Variants in PADI1 observed in about 807,000 individuals in gnomAD.
The protein encoded by PADI1 is protein-arginine deiminase type-1.
Under a neutral mutation model 74.8 loss-of-function variants are expected in PADI1, and 65 were observed. The ratio of observed to expected loss-of-function variants is 0.87; its 90% CI spans 0.71 to 1.07. The LOEUF (loss-of-function observed/expected upper bound fraction) is 1.07. PADI1 is among the 50% of genes least tolerant of loss of function. The pLI, the probability that PADI1 is intolerant of heterozygous loss-of-function variation, is 0.00. For synonymous variants in PADI1, 371 were observed against 336.2 expected, an observed-to-expected ratio of 1.10 and a Z score of -1.13; for missense variants, 943 against 854.0, an observed-to-expected ratio of 1.10 and a Z score of -1.30.
chr1:17,240,407 C>A (rs1431756448), intron 14 of PADI1: 6 of 439,058 alleles, frequency 1.4e-5, no homozygotes, highest in East Asian at 1.2e-4. Flanking sequence ...CCAGAAACTG[C>A]CTGGGTTCGA....
chr1:17,228,811 T>C lies in PADI1; in HGVS notation c.825+14T>C, dbSNP rs1008588192. 1 of 1,591,560 alleles carries C rather than the reference T, an allele frequency of 6.3e-7. No homozygotes were observed. The highest frequency in any genetic ancestry group is 8.5e-7 in the Non-Finnish European group (1 of 1,169,702). On this transcript the variant is annotated intron_variant, in intron 7 of 15. Transcript: ENST00000375471. Reference sequence around the variant, plus strand: ...GTGGACCCGGGGGTGTGTACAGCACTGGGGGGTGGCCAAGGAGGCTGAGGG... The same window carrying C: ...GTGGACCCGGGGGTGTGTACAGCACCGGGGGGTGGCCAAGGAGGCTGAGGG...
intron 11 of PADI1, among the ~76,000 whole-genome samples, chr1:17,234,515 T>C (rs1232505817): frequency 3.3e-5 from 5 of 152,356 alleles, no homozygotes; most frequent in Admixed American, 1.3e-4. Context: ...CTACTACATG[T>C]CACACCCATA....
intron 1 of PADI1, among the ~76,000 whole-genome samples, chr1:17,215,381 A>G: frequency 6.6e-6 from 1 of 150,858 alleles, no homozygotes; most frequent in Non-Finnish European, 1.5e-5. Flanking sequence ...CCCTTCTTTC[A>G]TCATCATCAT....
chr1:17,212,600 C>G (rs2977280), intron 1 of PADI1, among the ~76,000 whole-genome samples: 106,011 of 152,076 alleles, frequency 0.7, 38,640 homozygotes, highest in East Asian at 0.9. Context: ...CGGTGGAGCC[C>G]CAGTGGGCCG....
chr1:17,233,639 G>A (rs867107427), intron 11 of PADI1, among the ~76,000 whole-genome samples: 4 of 152,258 alleles, frequency 2.6e-5, no homozygotes, highest in African/African-American at 9.6e-5. Flanking sequence ...CAGGGTCCTG[G>A]TGGGTCCCCC....
At chr1:17,237,174 G>T in intron 11 of PADI1, 140 bp from the exon 12 acceptor site, 1 of 917,228 alleles carries the variant, frequency 1.1e-6, no homozygotes. Flanking sequence ...TGCTGTCTTG[G>T]CTTCTCCACG....
At chr1:17,213,203 A>T (rs2071880404) in intron 1 of PADI1, among the ~76,000 whole-genome samples, 1 of 152,356 alleles carries the variant, frequency 6.6e-6, no homozygotes, top group South Asian at 2.1e-4. Context: ...GGCTGGTAGG[A>T]GCAGGGAAAA....
At chr1:17,232,351 C>A (rs1232629771) in intron 10 of PADI1, among the ~76,000 whole-genome samples, 1 of 152,196 alleles carries the variant, frequency 6.6e-6, no homozygotes, top group Non-Finnish European at 1.5e-5. Context: ...AGCCATCCTC[C>A]CACTTCACCC....
At chr1:17,230,714 T>C in intron 10 of PADI1, 35 bp downstream of exon 10, 1 of 1,304,444 alleles carries the variant, frequency 7.7e-7, no homozygotes, top group Non-Finnish European at 1.1e-6. Context: ...GAAACCCTGG[T>C]TGGGTCCTCC....
At chr1:17,212,818 G>A (rs1289858535) in intron 1 of PADI1, among the ~76,000 whole-genome samples, 1 of 152,196 alleles carries the variant, frequency 6.6e-6, no homozygotes, top group East Asian at 1.9e-4. Flanking sequence ...TTTTAGGGCA[G>A]ACAAGGACAA....
chr1:17,224,310 G>C (rs902724857), intron 3 of PADI1, 57 bp from the exon 4 acceptor site: 8 of 1,487,756 alleles, frequency 5.4e-6, no homozygotes, highest in African/African-American at 2.8e-5. Flanking sequence ...CTGGACTTTA[G>C]GGGTGTGAAG....
rs1557483194 is a variant in PADI1 at position 17,238,716 on chromosome 1, G to A, written c.1552+7G>A. On this transcript the variant is annotated splice_region_variant and intron_variant, in intron 13 of 15. Coordinates refer to ENST00000375471, the MANE Select transcript of PADI1 (RefSeq NM_013358.3). Reference sequence around the variant, plus strand: ...GAGGCAGCCCAGTTTGATGGTGAGTGCCAATGACCCGGTCACCCCTGGGGG... The same window carrying A: ...GAGGCAGCCCAGTTTGATGGTGAGTACCAATGACCCGGTCACCCCTGGGGG... 6.8e-7 allele frequency: 1 copy of A among 1,465,658 alleles called. No individual in the cohort carries two copies. Among genetic ancestry groups the A allele is most frequent in the Non-Finnish European group, 9.2e-7 (1 of 1,086,424 alleles). 90.8% of individuals were successfully genotyped at this position (1,465,658 alleles called of 1,614,324 possible).
intron 1 of PADI1, among the ~76,000 whole-genome samples, chr1:17,208,177 T>C (rs761237432): frequency 2.6e-4 from 40 of 152,180 alleles, no homozygotes; most frequent in Non-Finnish European, 5.9e-5. Context: ...GCCAGTCACC[T>C]GAGCTGCTGG....
rs759762014 is a variant in PADI1, at chr1:17,225,882, G to A, written c.480G>A (p.Arg160=). The A allele has an allele frequency of 1.5e-5, 25 of 1,614,132 alleles. No individual in the cohort carries two copies. Among genetic ancestry groups the A allele is most frequent in the Middle Eastern group, 1.6e-4 (1 of 6,062 alleles). The change falls in exon 5 of 16, where the codon AGG becomes AGA. Residue 160 remains arginine (R), a synonymous_variant. Transcript: ENST00000375471. ...TGAACTGTGACCGGGACAATCACAG[G>A]TCCGCAGAGCCTGACCTCACCCACA... is the stretch of plus-strand genomic sequence containing the variant. ...LLVNCDRDNH[R]SAEPDLTHSW... is the part of the protein sequence containing the mutation.
At chr1:17,227,302 C>T (rs533862812) in intron 6 of PADI1, among the ~76,000 whole-genome samples, 2 of 151,070 alleles carry the variant, frequency 1.3e-5, no homozygotes, top group Admixed American at 1.3e-4. Flanking sequence ...AATTCCAGCA[C>T]TTTGGGAGGC....
chr1:17,207,502 C>T (rs955741419), intron 1 of PADI1, among the ~76,000 whole-genome samples: 4 of 152,234 alleles, frequency 2.6e-5, no homozygotes, highest in African/African-American at 4.8e-5. Context: ...CCCCTTGCGC[C>T]GTGGGTGCCC....
At chr1:17,221,674 G>C (rs2072154713) in intron 1 of PADI1, among the ~76,000 whole-genome samples, 1 of 152,114 alleles carries the variant, frequency 6.6e-6, no homozygotes, top group South Asian at 2.1e-4. Context: ...TGCAGCAGGA[G>C]CGGGCAGTGC....
intron 13 of PADI1, among the ~76,000 whole-genome samples, chr1:17,238,970 C>T (rs938416169): frequency 6.6e-6 from 1 of 152,210 alleles, no homozygotes; most frequent in African/African-American, 2.4e-5. Context: ...TTTGATCTCT[C>T]TCCCCTCTTC....
intron 12 of PADI1, among the ~76,000 whole-genome samples, chr1:17,237,878 T>G (rs2072684087): frequency 6.6e-6 from 1 of 152,096 alleles, no homozygotes; most frequent in African/African-American, 2.4e-5. Context: ...AGGATTCAAA[T>G]CCGGGTTCTG....
Sources: allele counts gnomAD v4.1 joint callset (sites outside exome capture counted in the v4.1 genomes callset), GRCh38; gene constraint gnomAD v4.1.1; transcripts MANE v1.5; gene names NCBI Gene and HGNC (gene_info 2026-07-23, HGNC 2026-07-21).